Variants in LACTB2 observed in about 807,000 individuals in gnomAD.
LACTB2 encodes lactamase beta 2.
LACTB2 carries 32 observed loss-of-function variants against 34.8 expected under a neutral mutation model. The ratio of observed to expected loss-of-function variants is 0.92; its 90% CI spans 0.69 to 1.24. LACTB2 has a LOEUF of 1.24. LACTB2 is among the 50% of genes most tolerant of loss of function. LACTB2 has a pLI of 0.00. For synonymous variants in LACTB2, 120 were observed against 117.5 expected (o/e 1.02, Z -0.14); for missense variants, 320 against 345.0 (o/e 0.93, Z 0.57).
chr8:70,658,846 G>A (rs1340992047), intron 2 of LACTB2, among the ~76,000 whole-genome samples: 1 of 152,096 alleles, frequency 6.6e-6, no homozygotes, highest in Admixed American at 6.5e-5. Context: ...CCAACATAGT[G>A]AAACCCCATC....
intron 3 of LACTB2, among the ~76,000 whole-genome samples, chr8:70,648,183 T>TC (rs1212107909): frequency 3.3e-5 from 5 of 152,060 alleles, no homozygotes; most frequent in Admixed American, 2.6e-4. Context: ...TACGGAAGAC[T>TC]CCCCCCCACA....
chr8:70,652,490 G>C (rs1818355422), intron 3 of LACTB2: 1 of 152,122 alleles, frequency 6.6e-6, no homozygotes, highest in African/African-American at 2.4e-5. Flanking sequence ...AAATGTGTCT[G>C]TTTTTGATTC....
chr8:70,637,815 C>A lies in LACTB2; in HGVS notation c.*45G>T. On this transcript the variant is annotated 3_prime_UTR_variant, in exon 7 of 7. Coordinates refer to ENST00000276590, the MANE Select transcript of LACTB2 (RefSeq NM_016027.3). ...ATAACCTATAGTTAAGAAAACATAC[C>A]ATTCTCTGAAAGCAAAATAAAACAA... 8.1e-7 allele frequency: 1 copy of A among 1,232,840 alleles called. No individual in the cohort carries two copies. Among genetic ancestry groups the A allele is most frequent in the Non-Finnish European group, 1.1e-6 (1 of 873,370 alleles). 76.4% of individuals were successfully genotyped at this position (1,232,840 alleles called of 1,614,324 possible).
chr8:70,653,059 G>A (rs1295392325), intron 3 of LACTB2, among the ~76,000 whole-genome samples: 1 of 152,124 alleles, frequency 6.6e-6, no homozygotes, highest in African/African-American at 2.4e-5. Context: ...TATAACATTT[G>A]TTTTCCTTTG....
At chr8:70,660,763 C>T in intron 2 of LACTB2, 1 of 456,370 alleles carries the variant, frequency 2.2e-6, no homozygotes, top group Non-Finnish European at 4.4e-6. Context: ...TATTTTCCTG[C>T]ATAGCACCCA....
intron 6 of LACTB2, 51 bp from the exon 7 acceptor site, chr8:70,637,954 C>T: frequency 9.5e-7 from 1 of 1,048,264 alleles, no homozygotes; most frequent in East Asian, 2.6e-5. Flanking sequence ...TAAGTAAATG[C>T]ACTGAATTTT....
Position 70,669,170 on chromosome 8 carries a change from C to A in LACTB2, c.-50G>T. 1 of 1,596,994 alleles carries A rather than the reference C, an allele frequency of 6.3e-7. No individual in the cohort carries two copies. The highest frequency in any genetic ancestry group is 8.5e-7 in the Non-Finnish European group (1 of 1,171,298). On this transcript the variant is annotated 5_prime_UTR_variant, in exon 1 of 7. Coordinates refer to ENST00000276590, the MANE Select transcript of LACTB2 (RefSeq NM_016027.3). The stretch of plus-strand genomic sequence containing the variant: ...TGTCGCCTATCTGGATACTCCAGCG[C>A]GGAAGAAGCCAACAGGCCGGGGATA...
intron 1 of LACTB2, among the ~76,000 whole-genome samples, chr8:70,668,220 C>A (rs898315751): frequency 1.3e-5 from 2 of 152,166 alleles, no homozygotes; most frequent in African/African-American, 4.8e-5. Context: ...GTCTTGACTG[C>A]ACAATTAAAT....
In LACTB2 at chr8:70,642,084, AT is replaced by A. The variant is rs531745505; in HGVS notation, c.593-1035del. ...TATGGCTACAGAGCATAATTTACAT[AT>A]AAACAACTGCTGTGCTAGTAAGCCA... On this transcript the variant is annotated intron_variant, in intron 4 of 6. Transcript: ENST00000276590. 2.2e-3 allele frequency among the ~76,000 whole-genome samples: 336 copies of A among 152,348 alleles called. 1 individual carries two copies. The highest frequency in any genetic ancestry group is 7.7e-3 in the African/African-American group (321 of 41,582).
chr8:70,667,189 TG>T (rs1818540848), intron 1 of LACTB2, among the ~76,000 whole-genome samples: 1 of 152,144 alleles, frequency 6.6e-6, no homozygotes, highest in Non-Finnish European at 1.5e-5. Context: ...CTGAAGAATG[TG>T]GTGTTGGCAA....
chr8:70,657,541 C>T (rs1050451437), intron 3 of LACTB2, among the ~76,000 whole-genome samples: 25 of 150,856 alleles, frequency 1.7e-4, no homozygotes, highest in Non-Finnish European at 3.4e-4. Flanking sequence ...AAGCAATCAT[C>T]TCATCTCAGC....
intron 5 of LACTB2, among the ~76,000 whole-genome samples, chr8:70,639,393 C>T (rs13252043): frequency 0.15 from 22,850 of 150,708 alleles, 2,431 homozygotes; most frequent in African/African-American, 0.31. Context: ...CTCCTGACCT[C>T]GGGTGATCCG....
chr8:70,644,638 ATTTATT>A (rs1265389987), intron 3 of LACTB2, among the ~76,000 whole-genome samples: 2 of 152,100 alleles, frequency 1.3e-5, no homozygotes, highest in East Asian at 1.9e-4. Flanking sequence ...AGCCTGGCTA[ATTTATT>A]TTTATTTTTA....
intron 1 of LACTB2, among the ~76,000 whole-genome samples, chr8:70,667,675 C>T (rs72667712): frequency 0.02 from 2,983 of 152,280 alleles, 43 homozygotes; most frequent in Non-Finnish European, 0.033. Flanking sequence ...ATGTATTTTT[C>T]ATACAATATA....
Position 70,637,668 on chromosome 8 carries a change from A to G in LACTB2, c.*192T>C, listed in dbSNP as rs1818140173. ...TGGTAAAACGTTAGAAGACAAGGTT[A>G]GAGAAATAACCTATCATATGGTTGT... On this transcript the variant is annotated 3_prime_UTR_variant, in exon 7 of 7. Coordinates refer to ENST00000276590, the MANE Select transcript of LACTB2 (RefSeq NM_016027.3). 5 of 358,278 alleles carry G rather than the reference A, an allele frequency of 1.4e-5. No individual in the cohort carries two copies. Among genetic ancestry groups the G allele is most frequent in the Non-Finnish European group, 2.5e-5 (5 of 196,356 alleles). The allele number at this position is 358,278 out of a possible 1,614,324, so 22.2% of individuals were successfully genotyped here.
chr8:70,640,436 C>T (rs1563402002), intron 5 of LACTB2: 1 of 153,126 alleles, frequency 6.5e-6, no homozygotes, highest in Non-Finnish European at 1.5e-5. Flanking sequence ...TACTCATGTT[C>T]TTTGATTTTT....
intron 3 of LACTB2, among the ~76,000 whole-genome samples, chr8:70,648,781 T>G (rs1223214403): frequency 6.6e-6 from 1 of 152,142 alleles, no homozygotes; most frequent in Non-Finnish European, 1.5e-5. Flanking sequence ...CCTCTGAGTT[T>G]TTTCCGATGA....
intron 3 of LACTB2, among the ~76,000 whole-genome samples, chr8:70,650,799 T>C (rs1437555611): frequency 8.9e-6 from 1 of 112,880 alleles, no homozygotes; most frequent in Non-Finnish European, 2.0e-5. Context: ...CTGACAAAGG[T>C]ACAAAAAGAA....
intron 1 of LACTB2, among the ~76,000 whole-genome samples, chr8:70,665,882 A>G (rs1818528682): frequency 6.6e-6 from 1 of 152,218 alleles, no homozygotes; most frequent in Admixed American, 6.5e-5. Context: ...CAGTTTTTAA[A>G]GGTTCTTGAG....
Sources: allele counts gnomAD v4.1 joint callset (sites outside exome capture counted in the v4.1 genomes callset), GRCh38; gene constraint gnomAD v4.1.1; transcripts MANE v1.5; gene names NCBI Gene and HGNC (gene_info 2026-07-23, HGNC 2026-07-21).